The following VPS4A variants were observed in gnomAD, a reference collection of about 807,000 sequenced individuals.
VPS4A encodes vacuolar protein sorting-associated protein 4A.
In VPS4A, 20 loss-of-function variants were observed where a neutral mutation model predicts 52.3. The observed-to-expected ratio is 0.38, with a 90% confidence interval of 0.27 to 0.56. The LOEUF (loss-of-function observed/expected upper bound fraction) is 0.56, where lower values mean the gene tolerates loss of function less well. Ranked by LOEUF, VPS4A falls within the 20% of genes least tolerant of loss-of-function variation. VPS4A has a pLI of 0.72. For missense variants in VPS4A, 419 were observed against 575.9 expected (o/e 0.73, Z 2.79); for synonymous variants, 293 against 227.7 (o/e 1.29, Z -2.58).
chr16:69,324,567 C>T lies in VPS4A; in HGVS notation c.*258C>T. 4.6e-6 allele frequency: 2 copies of T among 437,936 alleles called. No homozygotes were observed. The highest frequency in any genetic ancestry group is 8.4e-6 in the Non-Finnish European group (2 of 238,640). 27.1% of individuals were successfully genotyped at this position (437,936 alleles called of 1,614,324 possible). On this transcript the variant is annotated 3_prime_UTR_variant, in exon 11 of 11. Coordinates refer to ENST00000254950, the MANE Select transcript of VPS4A (RefSeq NM_013245.3). ...GGATGCTCATCAGCTCCTTCTGCCTCCCCCCCTTTTTTTTCCATCTTTTGT... is the reference window on the plus strand; with the variant it reads ...GGATGCTCATCAGCTCCTTCTGCCTTCCCCCCTTTTTTTTCCATCTTTTGT...
In VPS4A at chr16:69,320,298, C is replaced by CGGGCCCA. The variant is rs1965494804; in HGVS notation, c.769+16_769+22dup. On this transcript the variant is annotated intron_variant, in intron 7 of 10. Transcript: ENST00000254950. This position sits in a 1 kb window ranked among gnomAD's most constrained non-coding sequence, Gnocchi z 4.2. ...CTTGGTCCAGATGCAGGGTGTGTGC[C>CGGGCCCA]GGGCCCAGGGCCCCCTTGGTTCTTG... 2 of 1,610,922 alleles carry CGGGCCCA rather than the reference C, an allele frequency of 1.2e-6. No homozygotes were observed. The highest frequency in any genetic ancestry group is 1.7e-6 in the Non-Finnish European group (2 of 1,177,398).
rs773370042 is a variant in VPS4A, at chr16:69,319,509, G to A, written c.586G>A (p.Asp196Asn). The stretch of plus-strand genomic sequence containing the variant: ...CACCTTCTTCTCTGTGTCCTCCTCA[G>A]ATCTGATGTCCAAGTGGCTGGGGGA... The part of the protein sequence containing the change: ...NSTFFSVSSS[D>N]LMSKWLGESE... Residue 196 changes from aspartate (D) to asparagine (N), a missense_variant, in exon 6 of 11, where the codon GAT (aspartate) becomes AAT (asparagine). Around this residue, in one of 3 missense-constraint regions of VPS4A, gnomAD observed 103 missense variants for 210.3 expected, o/e 0.49. Coordinates refer to ENST00000254950, the MANE Select transcript of VPS4A (RefSeq NM_013245.3). The A allele has an allele frequency of 3.7e-6, 6 of 1,613,886 alleles. No individual in the cohort carries two copies. Among genetic ancestry groups the A allele is most frequent in the Non-Finnish European group, 3.4e-6 (4 of 1,179,848 alleles).
chr16:69,316,280 C>T lies in VPS4A; in HGVS notation c.189C>T (p.Tyr63=). The stretch of plus-strand genomic sequence containing the variant: ...GCATTCGAGCCAAGTGCGTGCAGTA[C>T]CTAGACCGGGCCGAGAAGCTGAAGG... ...KESIRAKCVQ[Y]LDRAEKLKDY... Residue 63 remains tyrosine (Y), a synonymous_variant, in exon 3 of 11, where the codon TAC becomes TAT. Transcript: ENST00000254950. 6.2e-7 allele frequency: 1 copy of T among 1,613,800 alleles called. No individual in the cohort carries two copies. The highest frequency in any genetic ancestry group is 8.5e-7 in the Non-Finnish European group (1 of 1,179,872).
rs1965587707 is a variant in VPS4A, at chr16:69,325,898, G to A, written c.*1589G>A. The A allele has an allele frequency of 6.6e-6, 1 of 152,278 alleles. No individual in the cohort carries two copies. Among genetic ancestry groups the A allele is most frequent in the African/African-American group, 2.4e-5 (1 of 41,406 alleles). 9.4% of individuals were successfully genotyped at this position (152,278 alleles called of 1,614,324 possible). A position where few individuals can be genotyped will look rare whatever the true frequency, so the allele number is the denominator to read the frequency against. ...GGGTCCCCCATCCCCACTCATCTGTGTTGCCTGCCCAGATAGCCCCATGGC... is the reference window on the plus strand; with the variant it reads ...GGGTCCCCCATCCCCACTCATCTGTATTGCCTGCCCAGATAGCCCCATGGC... On this transcript the variant is annotated 3_prime_UTR_variant, in exon 11 of 11. Transcript: ENST00000254950.
intron 10 of VPS4A, 38 bp downstream of exon 10, chr16:69,322,738 G>A (rs1195059360): frequency 1.0e-5 from 16 of 1,577,426 alleles, no homozygotes; most frequent in African/African-American, 1.4e-5. Flanking sequence ...GGGCTGCACA[G>A]AGCCCAGAAA....
rs562439900 is a variant in VPS4A, at chr16:69,326,438, A to G, written c.*2129A>G. 1 of 152,366 alleles carries G rather than the reference A, an allele frequency of 6.6e-6. No homozygotes were observed. The highest frequency in any genetic ancestry group is 6.5e-5 in the Admixed American group (1 of 15,300). 9.4% of individuals were successfully genotyped at this position (152,366 alleles called of 1,614,324 possible). ...AGAGCTTCACTTTAGTGAGCTTACAAGTTTTTAAATTTTTACTTCTAGTTA... is the reference window on the plus strand; with the variant it reads ...AGAGCTTCACTTTAGTGAGCTTACAGGTTTTTAAATTTTTACTTCTAGTTA... On this transcript the variant is annotated 3_prime_UTR_variant, in exon 11 of 11. Coordinates refer to ENST00000254950, the MANE Select transcript of VPS4A (RefSeq NM_013245.3).
chr16:69,316,440 C>T lies in VPS4A; in HGVS notation c.281+68C>T. ...ACGGCTCCCTATCATTCCTGGCGCT[C>T]ATGCTGCCTTGGACTTCCCTGTGGG... On this transcript the variant is annotated intron_variant, in intron 3 of 10. Transcript: ENST00000254950. 4 of 1,582,820 alleles carry T rather than the reference C, an allele frequency of 2.5e-6. No individual in the cohort carries two copies. In the South Asian group the frequency reaches 4.7e-5, roughly 19 times the overall value.
chr16:69,320,965 G>C lies in VPS4A; in HGVS notation c.852-86G>C. On this transcript the variant is annotated intron_variant, in intron 8 of 10. Transcript: ENST00000254950. This position sits in a 1 kb window ranked among gnomAD's most constrained non-coding sequence, Gnocchi z 4.2. ...CATCACTGGCCCATGAAATGCGTCC[G>C]TTTCACTCAAATCTTCGTGCCTCCC... 1 of 1,402,922 alleles carries C rather than the reference G, an allele frequency of 7.1e-7. No individual in the cohort carries two copies. The highest frequency in any genetic ancestry group is 9.8e-7 in the Non-Finnish European group (1 of 1,017,828). The allele number at this position is 1,402,922 out of a possible 1,614,324, so 86.9% of individuals were successfully genotyped here.
At position 69,325,553 on chromosome 16, in the gene VPS4A, G is replaced by C. The variant is rs1290969850; in HGVS notation, c.*1244G>C. The C allele has an allele frequency of 1.3e-5, 2 of 152,112 alleles. No homozygotes were observed. The highest frequency in any genetic ancestry group is 2.9e-5 in the Non-Finnish European group (2 of 68,040). The allele number at this position is 152,112 out of a possible 1,614,324, so 9.4% of individuals were successfully genotyped here. A position where few individuals can be genotyped will look rare whatever the true frequency, so the allele number is the denominator to read the frequency against. On this transcript the variant is annotated 3_prime_UTR_variant, in exon 11 of 11. Coordinates refer to ENST00000254950, the MANE Select transcript of VPS4A (RefSeq NM_013245.3). ...AATCGAGAACATCCTGGCTAACACAGTGAAACCCCGTCTCACTAAAAATAA... is the reference window on the plus strand; with the variant it reads ...AATCGAGAACATCCTGGCTAACACACTGAAACCCCGTCTCACTAAAAATAA...
Position 69,320,240 on chromosome 16 carries a change from G to C in VPS4A, c.720G>C (p.Glu240Asp). 4 of 1,614,042 alleles carry C rather than the reference G, an allele frequency of 2.5e-6. No individual in the cohort carries two copies. Among genetic ancestry groups the C allele is most frequent in the Non-Finnish European group, 3.4e-6 (4 of 1,179,884 alleles). Reference sequence around the variant, plus strand: ...TCTGCGGGTCCCGAAATGAAAATGAGAGTGAGGCCGCCCGGAGGATCAAAA... The same window carrying C: ...TCTGCGGGTCCCGAAATGAAAATGACAGTGAGGCCGCCCGGAGGATCAAAA... Reference protein sequence around the residue: ...DSLCGSRNENESEAARRIKTE... With the variant: ...DSLCGSRNENDSEAARRIKTE... Residue 240 changes from glutamate (E) to aspartate (D), a missense_variant, in exon 7 of 11, where the codon GAG becomes GAC. By Grantham distance (45) the Glu-to-Asp change is conservative. Around this residue, in one of 3 missense-constraint regions of VPS4A, gnomAD observed 103 missense variants for 210.3 expected, o/e 0.49. Transcript: ENST00000254950. This position sits in a 1 kb window ranked among gnomAD's most constrained non-coding sequence, Gnocchi z 4.2.
chr16:69,319,092 T>C, intron 5 of VPS4A, 150 bp downstream of exon 5: 1 of 1,246,942 alleles, frequency 8.0e-7, no homozygotes, highest in Non-Finnish European at 1.1e-6. Flanking sequence ...ACAACACTGC[T>C]GTGGCTGGAG....
rs1443354870 is a variant in VPS4A, at chr16:69,322,713, A to G, written c.1212+13A>G. The G allele has an allele frequency of 5.0e-6, 8 of 1,610,636 alleles. No homozygotes were observed. In the South Asian group the frequency reaches 8.8e-5, roughly 18 times the overall value. On this transcript the variant is annotated intron_variant, in intron 10 of 10. Coordinates refer to ENST00000254950, the MANE Select transcript of VPS4A (RefSeq NM_013245.3). Reference sequence around the variant, plus strand: ...TGTGGTTTGCATGGTAAGTGACTTGACAGGGGAGGGAAGAGGGCTGCACAG... The same window carrying G: ...TGTGGTTTGCATGGTAAGTGACTTGGCAGGGGAGGGAAGAGGGCTGCACAG...
chr16:69,322,725 A>G (rs1195024934), intron 10 of VPS4A, 25 bp downstream of exon 10: 1 of 1,607,878 alleles, frequency 6.2e-7, no homozygotes, highest in Non-Finnish European at 8.5e-7. Flanking sequence ...AGGGGAGGGA[A>G]GAGGGCTGCA....
Position 69,320,389 on chromosome 16 carries a change from G to C in VPS4A, c.769+100G>C, listed in dbSNP as rs984567550. ...GCTGGATTTGGTTGTTCTCAGCCTC[G>C]GAGAGGCACTCCCCAGCTCCAGCCC... On this transcript the variant is annotated intron_variant, in intron 7 of 10. Transcript: ENST00000254950. This position sits in a 1 kb window ranked among gnomAD's most constrained non-coding sequence, Gnocchi z 4.2. The C allele has an allele frequency of 3.8e-5, 58 of 1,508,032 alleles. No homozygotes were observed. The Middle Eastern group carries it at 1.2e-3, about 31-fold the overall frequency. 93.4% of individuals were successfully genotyped at this position (1,508,032 alleles called of 1,614,324 possible). A position where few individuals can be genotyped will look rare whatever the true frequency, so the allele number is the denominator to read the frequency against.
rs1207587879 is a variant in VPS4A, at chr16:69,311,539, C to T, written c.21+7C>T. The stretch of plus-strand genomic sequence containing the variant: ...GACAACGTCAACCCTCCAGGTACTT[C>T]GTGCGGCCCGGCCCGACTTCGGAGG... On this transcript the variant is annotated splice_region_variant and intron_variant, in intron 1 of 10. Transcript: ENST00000254950. 3 of 1,332,914 alleles carry T rather than the reference C, an allele frequency of 2.3e-6. No individual in the cohort carries two copies. The South Asian group carries it at 6.5e-5, about 29-fold the overall frequency. The allele number at this position is 1,332,914 out of a possible 1,614,324, so 82.6% of individuals were successfully genotyped here.
chr16:69,317,219 C>T (rs1470060142), intron 3 of VPS4A, among the ~76,000 whole-genome samples: 3 of 149,818 alleles, frequency 2.0e-5, no homozygotes, highest in Non-Finnish European at 4.4e-5. Context: ...ATGACAGATT[C>T]CATCCAGGGA....
In VPS4A at chr16:69,324,434, G is replaced by A; in HGVS notation, c.*125G>A. The A allele has an allele frequency of 2.9e-6, 3 of 1,029,372 alleles. No individual in the cohort carries two copies. The highest frequency in any genetic ancestry group is 2.9e-6 in the Non-Finnish European group (2 of 694,472). The allele number at this position is 1,029,372 out of a possible 1,614,324, so 63.8% of individuals were successfully genotyped here. A position where few individuals can be genotyped will look rare whatever the true frequency, so the allele number is the denominator to read the frequency against. ...CAGTCAATACAGAGTTCCCTCTGCT[G>A]TCTGGCCGTCTGCCAGGGAGCCAGA... On this transcript the variant is annotated 3_prime_UTR_variant, in exon 11 of 11. Transcript: ENST00000254950.
At chr16:69,323,646 G>A (rs1313951088) in intron 10 of VPS4A, 5 of 455,852 alleles carry the variant, frequency 1.1e-5, no homozygotes, top group African/African-American at 4.0e-5. Flanking sequence ...GGTGTTGGGG[G>A]TGTGCAGCTA....
rs1203625689 is a variant in VPS4A, at chr16:69,311,437, A to G, written c.-75A>G. 4 of 1,231,726 alleles carry G rather than the reference A, an allele frequency of 3.2e-6. No individual in the cohort carries two copies. Among genetic ancestry groups the G allele is most frequent in the Non-Finnish European group, 4.1e-6 (4 of 977,446 alleles). 76.3% of individuals were successfully genotyped at this position (1,231,726 alleles called of 1,614,324 possible). ...CCGCCGGGCTTCCCGCGCCGGACCC[A>G]GTACCTCGGCTCCCCGGGGCCGGAC... On this transcript the variant is annotated 5_prime_UTR_variant, in exon 1 of 11. Transcript: ENST00000254950.
Sources: allele counts gnomAD v4.1 joint callset (sites outside exome capture counted in the v4.1 genomes callset), GRCh38; gene constraint gnomAD v4.1.1; regional missense constraint gnomAD v4.1.1; non-coding constraint Gnocchi (gnomAD v3.1); transcripts MANE v1.5; gene names NCBI Gene and HGNC (gene_info 2026-07-23, HGNC 2026-07-21).